Variants in SIPA1L3 observed in about 807,000 individuals in gnomAD.
SIPA1L3 encodes the protein signal induced proliferation associated 1 like 3.
Under a neutral mutation model 150.1 loss-of-function variants are expected in SIPA1L3, and 59 were observed. That is an observed-to-expected ratio of 0.39 (90% confidence interval 0.32 to 0.49). The LOEUF is 0.49. Among genes scored for constraint, SIPA1L3 ranks in the 20% least tolerant of loss-of-function variants. The probability of loss-of-function intolerance (pLI) is 0.86; values close to 1 mark genes in which losing one functional copy is unlikely to be tolerated. For synonymous variants in SIPA1L3, 1,070 were observed against 1,077.6 expected (o/e 0.99, Z 0.14); for missense variants, 2,211 against 2,489.5 (o/e 0.89, Z 2.38).
At chr19:38,069,247 C>T (rs1228460348) in intron 2 of SIPA1L3, among the ~76,000 whole-genome samples, 1 of 152,130 alleles carries the variant, frequency 6.6e-6, no homozygotes, top group Non-Finnish European at 1.5e-5. Flanking sequence ...GGGGGACAAT[C>T]GGAGGGAGGC....
At chr19:38,168,577 A>G (rs1010996168) in intron 15 of SIPA1L3, among the ~76,000 whole-genome samples, 4 of 152,160 alleles carry the variant, frequency 2.6e-5, no homozygotes, top group Admixed American at 2.6e-4. Flanking sequence ...TCTCGATTGC[A>G]GTAGCCCCCA....
chr19:38,089,803 A>G (rs1970221356), intron 4 of SIPA1L3, among the ~76,000 whole-genome samples: 1 of 152,236 alleles, frequency 6.6e-6, no homozygotes, highest in African/African-American at 2.4e-5. Context: ...TAAGTCAGAA[A>G]TAGCATTCAT....
chr19:37,999,540 G>A (rs1157211764), intron 1 of SIPA1L3, among the ~76,000 whole-genome samples: 1 of 152,132 alleles, frequency 6.6e-6, no homozygotes, highest in African/African-American at 2.4e-5. Context: ...TCTTCATTCC[G>A]CTGCCTGTGG....
At chr19:38,004,695 A>G (rs1294875321) in intron 1 of SIPA1L3, among the ~76,000 whole-genome samples, 4 of 152,090 alleles carry the variant, frequency 2.6e-5, no homozygotes, top group African/African-American at 4.8e-5. Context: ...TCTTCCCCGA[A>G]CCAATCACTA....
At chr19:38,201,134 G>GA (rs762428463) in intron 19 of SIPA1L3, among the ~76,000 whole-genome samples, 20 of 152,206 alleles carry the variant, frequency 1.3e-4, no homozygotes, top group Non-Finnish European at 2.6e-4. Flanking sequence ...GGACGCCTTG[G>GA]TGTTTTTAAC....
chr19:38,195,410 G>A (rs1002851421), intron 18 of SIPA1L3, among the ~76,000 whole-genome samples: 7 of 152,138 alleles, frequency 4.6e-5, no homozygotes, highest in Admixed American at 6.5e-5. Context: ...TGCTGTGGGC[G>A]GGGCTCTGCC....
intron 18 of SIPA1L3, among the ~76,000 whole-genome samples, chr19:38,196,505 G>C (rs573202393): frequency 6.9e-6 from 1 of 144,294 alleles, no homozygotes; most frequent in Non-Finnish European, 1.5e-5. Context: ...GGAGCAAGGA[G>C]GTCAAGGGAG....
chr19:38,029,684 C>T (rs148330122), intron 2 of SIPA1L3, among the ~76,000 whole-genome samples: 6,462 of 152,158 alleles, frequency 0.042, 211 homozygotes, highest in East Asian at 0.1. Flanking sequence ...CCGCAACCTC[C>T]GCCTCCCGGG....
At chr19:38,023,662 G>C (rs770647220) in intron 1 of SIPA1L3, among the ~76,000 whole-genome samples, 1 of 152,192 alleles carries the variant, frequency 6.6e-6, no homozygotes, top group African/African-American at 2.4e-5. Flanking sequence ...ATGCTCTGGC[G>C]GTCTAGAAAG....
At chr19:38,088,656 G>T in intron 3 of SIPA1L3, 65 bp from the exon 4 acceptor site, 2 of 1,577,994 alleles carry the variant, frequency 1.3e-6, no homozygotes, top group Non-Finnish European at 1.7e-6. Flanking sequence ...CTGCAGGCCT[G>T]CTGGGCATCA....
intron 2 of SIPA1L3, among the ~76,000 whole-genome samples, chr19:38,053,609 T>C (rs967298390): frequency 6.6e-6 from 1 of 151,080 alleles, no homozygotes; most frequent in Non-Finnish European, 1.5e-5. Flanking sequence ...CAGGCTGGAG[T>C]GTAGTGGTGC....
chr19:37,958,760 A>G (rs2046832358), intron 1 of SIPA1L3, among the ~76,000 whole-genome samples: 2 of 152,258 alleles, frequency 1.3e-5, no homozygotes, highest in Non-Finnish European at 2.9e-5. Flanking sequence ...GACAAACCGT[A>G]GAATGGGAGA....
chr19:37,951,829 G>A (rs766229601), intron 1 of SIPA1L3, among the ~76,000 whole-genome samples: 2 of 149,040 alleles, frequency 1.3e-5, no homozygotes, highest in East Asian at 4.0e-4. Context: ...CCCAGGAGGC[G>A]GAGGCTGCAG....
Position 38,111,899 on chromosome 19 carries a change from A to G in SIPA1L3, c.2291+1515A>G, listed in dbSNP as rs569954029. Reference sequence around the variant, plus strand: ...CACGCACACGTGCACAGGCACATGCACACACACACATGCATGCACGCATCC... The same window carrying G: ...CACGCACACGTGCACAGGCACATGCGCACACACACATGCATGCACGCATCC... On this transcript the variant is annotated intron_variant, in intron 8 of 21. Transcript: ENST00000222345. 4.0e-5 allele frequency among the ~76,000 whole-genome samples: 6 copies of G among 151,384 alleles called. No individual in the cohort carries two copies. The South Asian group carries it at 1.0e-3, about 26-fold the overall frequency.
At chr19:38,111,619 G>A (rs559661822) in intron 8 of SIPA1L3, among the ~76,000 whole-genome samples, 1 of 152,348 alleles carries the variant, frequency 6.6e-6, no homozygotes, top group East Asian at 1.9e-4. Context: ...CTGGGTGAGG[G>A]AAGGGAGGGG....
chr19:37,954,646 T>C (rs1032878330), intron 1 of SIPA1L3, among the ~76,000 whole-genome samples: 3 of 152,130 alleles, frequency 2.0e-5, no homozygotes, highest in Non-Finnish European at 4.4e-5. Context: ...GATAAGCACA[T>C]CCAAGCGTGA....
chr19:37,940,548 C>G (rs1468625563), intron 1 of SIPA1L3, among the ~76,000 whole-genome samples: 4 of 152,076 alleles, frequency 2.6e-5, no homozygotes, highest in African/African-American at 9.7e-5. Context: ...AAATATCTTT[C>G]TAGAATTGGT....
chr19:38,056,359 T>G (rs1969314871), intron 2 of SIPA1L3, among the ~76,000 whole-genome samples: 1 of 152,166 alleles, frequency 6.6e-6, no homozygotes, highest in African/African-American at 2.4e-5. Flanking sequence ...AACTCCAGAT[T>G]CCTGAACACT....
In SIPA1L3 at chr19:38,198,373, C is replaced by A; in HGVS notation, c.4841-16C>A. The A allele has an allele frequency of 6.6e-7, 1 of 1,523,314 alleles. No homozygotes were observed. 94.4% of individuals were successfully genotyped at this position (1,523,314 alleles called of 1,614,324 possible). On this transcript the variant is annotated splice_polypyrimidine_tract_variant and intron_variant, in intron 18 of 21. Coordinates refer to ENST00000222345, the MANE Select transcript of SIPA1L3 (RefSeq NM_015073.3). ...TGTCACACTCAACCACTGCCATCTC[C>A]ACCCTCCCCATCCAGCCACCATCTC...
Sources: gnomAD v4.1 joint callset for allele counts (sites outside exome capture counted in the v4.1 genomes callset) on GRCh38, gnomAD v4.1.1 for gene constraint, MANE v1.5 for transcripts, NCBI Gene and HGNC (gene_info 2026-07-23, HGNC 2026-07-21) for gene names.